The following LVRN variants were observed in gnomAD, a reference collection of about 807,000 sequenced individuals.
LVRN encodes laeverin.
LVRN carries 99 observed loss-of-function variants against 111.4 expected under a neutral mutation model. That is an observed-to-expected ratio of 0.89 (90% CI 0.76 to 1.05). The LOEUF is 1.05. Among genes scored for constraint, LVRN ranks in the 50% least tolerant of loss-of-function variants. The pLI is 0.00. For synonymous variants in LVRN, 488 were observed against 449.5 expected, an observed-to-expected ratio of 1.09 and a Z score of -1.08; for missense variants, 1,414 against 1,206.8, an observed-to-expected ratio of 1.17 and a Z score of -2.54.
chr5:116,007,354 C>T (rs1363243642), intron 13 of LVRN, among the ~76,000 whole-genome samples: 6 of 152,190 alleles, frequency 3.9e-5, no homozygotes, highest in Admixed American at 3.3e-4. Context: ...AGGAAATCCC[C>T]TGCCTCAGTT....
At position 115,984,643 on chromosome 5, in the gene LVRN, AACTT is replaced by A; in HGVS notation, c.918_921del (p.Tyr306Ter). The A allele has an allele frequency of 1.2e-6, 2 of 1,613,728 alleles. No homozygotes were observed. The highest frequency in any genetic ancestry group is 2.2e-5 in the South Asian group (2 of 91,068). ...CCTTTTCCACTACGCCCCACATGCC[AACTT>A]ACTTAGTCGCATTTGTTATATGTGA... is the stretch of plus-strand genomic sequence containing the variant. On this transcript the variant is annotated frameshift_variant, in exon 3 of 20. Coordinates refer to ENST00000357872, the MANE Select transcript of LVRN (RefSeq NM_173800.5). LOFTEE classifies it high-confidence loss of function.
chr5:116,008,364 A>G (rs1442319680), intron 13 of LVRN, among the ~76,000 whole-genome samples: 1 of 152,052 alleles, frequency 6.6e-6, no homozygotes, highest in Non-Finnish European at 1.5e-5. Flanking sequence ...AATAATAAAT[A>G]AATAAAATTA....
At chr5:115,980,411 A>G (rs910345370) in intron 1 of LVRN, among the ~76,000 whole-genome samples, 3 of 152,072 alleles carry the variant, frequency 2.0e-5, no homozygotes, top group African/African-American at 7.2e-5. Context: ...GTTTGTTTGC[A>G]TAAAACTAGG....
At chr5:115,979,444 CT>C (rs1428044371) in intron 1 of LVRN, among the ~76,000 whole-genome samples, 10 of 152,092 alleles carry the variant, frequency 6.6e-5, no homozygotes, top group Non-Finnish European at 1.5e-4. Context: ...ATGCTTCCCC[CT>C]CCCCTCCATC....
At chr5:116,001,043 C>T (rs780568011) in intron 9 of LVRN, 24 bp from the exon 10 acceptor site, 4 of 1,573,276 alleles carry the variant, frequency 2.5e-6, no homozygotes, top group Admixed American at 4.2e-5. Flanking sequence ...CCTTACCTGC[C>T]TTTGTGGTGA....
intron 10 of LVRN, 139 bp downstream of exon 10, chr5:116,001,378 G>A (rs1049579665): frequency 1.6e-5 from 16 of 1,017,130 alleles, no homozygotes; most frequent in Non-Finnish European, 2.0e-5. Context: ...CTAGGGTGAA[G>A]CAGAGCCCTT....
At chr5:115,966,770 A>G (rs925831659) in intron 1 of LVRN, among the ~76,000 whole-genome samples, 4 of 152,236 alleles carry the variant, frequency 2.6e-5, no homozygotes, top group Non-Finnish European at 4.4e-5. Flanking sequence ...CCTACCAGCA[A>G]TATATGAGTG....
At chr5:115,976,321 C>A (rs1027044390) in intron 1 of LVRN, 1 of 152,220 alleles carries the variant, frequency 6.6e-6, no homozygotes, top group South Asian at 2.1e-4. Context: ...ACCAGCTCTG[C>A]GCTACCTGAC....
At position 115,993,814 on chromosome 5, in the gene LVRN, A is replaced by G; in HGVS notation, c.1334A>G (p.Glu445Gly). The G allele has an allele frequency of 6.2e-7, 1 of 1,609,442 alleles. No homozygotes were observed. Among genetic ancestry groups the G allele is most frequent in the Non-Finnish European group, 8.5e-7 (1 of 1,178,140 alleles). The part of the protein sequence containing the change: ...WLNEGFASYF[E>G]FEVINYFNPK... ...AACGAGGGTTTTGCATCTTATTTTGAGTTTGAAGTAATTAACTACTTTAAT... is the reference window on the plus strand; with the variant it reads ...AACGAGGGTTTTGCATCTTATTTTGGGTTTGAAGTAATTAACTACTTTAAT... Residue 445 changes from glutamate to glycine, a missense_variant, in exon 6 of 20, where the codon GAG becomes GGG. By Grantham distance (98) the Glu-to-Gly change is moderately conservative (BLOSUM62 -2). Coordinates refer to ENST00000357872, the MANE Select transcript of LVRN (RefSeq NM_173800.5).
At chr5:115,985,705 A>G (rs1287865421) in intron 3 of LVRN, among the ~76,000 whole-genome samples, 5 of 152,312 alleles carry the variant, frequency 3.3e-5, no homozygotes, top group Non-Finnish European at 4.4e-5. Context: ...TGAGTTGTGT[A>G]AAGTCAGCAC....
intron 6 of LVRN, among the ~76,000 whole-genome samples, 187 bp downstream of exon 6, chr5:115,994,041 T>C (rs1418192261): frequency 1.4e-5 from 2 of 143,488 alleles, no homozygotes; most frequent in South Asian, 4.6e-4. Context: ...CTATTGTAAA[T>C]GTTTTTGAAG....
intron 13 of LVRN, among the ~76,000 whole-genome samples, chr5:116,007,258 A>G (rs530821482): frequency 1.6e-4 from 25 of 152,262 alleles, no homozygotes; most frequent in African/African-American, 4.8e-4. Flanking sequence ...CTTTCCACCT[A>G]ATCTAAACTC....
intron 3 of LVRN, among the ~76,000 whole-genome samples, chr5:115,987,251 C>G (rs1240261498): frequency 2.6e-5 from 4 of 152,070 alleles, no homozygotes; most frequent in Non-Finnish European, 5.9e-5. Context: ...AATTCACTTG[C>G]TTTGACAGTT....
chr5:115,992,103 C>T lies in LVRN; in HGVS notation c.1106-20C>T. On this transcript the variant is annotated intron_variant, in intron 4 of 19. Transcript: ENST00000357872. ...TTGGAAAAGATTATTTTATTTTCTC[C>T]TCCATTTAAATCCACTTAGATATAA... The T allele has an allele frequency of 3.9e-6, 6 of 1,556,866 alleles. No individual in the cohort carries two copies. The highest frequency in any genetic ancestry group is 3.7e-5 in the South Asian group (3 of 80,742).
At chr5:115,990,267 A>G (rs963219581) in intron 4 of LVRN, among the ~76,000 whole-genome samples, 23 of 152,194 alleles carry the variant, frequency 1.5e-4, no homozygotes, top group African/African-American at 5.5e-4. Flanking sequence ...TGTAGGCTAT[A>G]TGCCAGATTT....
At chr5:115,998,506 C>T (rs1022885092) in intron 6 of LVRN, among the ~76,000 whole-genome samples, 2 of 152,030 alleles carry the variant, frequency 1.3e-5, no homozygotes, top group African/African-American at 2.4e-5. Context: ...CCTTAGGGTG[C>T]GATATTATGG....
At chr5:115,963,804 G>T (rs1323266346) in intron 1 of LVRN, among the ~76,000 whole-genome samples, 1 of 152,078 alleles carries the variant, frequency 6.6e-6, no homozygotes, top group African/African-American at 2.4e-5. Context: ...CCTTCCTCTG[G>T]CCAGTTTTCA....
chr5:116,025,664 C>T (rs983936458), intron 19 of LVRN, among the ~76,000 whole-genome samples: 1 of 152,126 alleles, frequency 6.6e-6, no homozygotes, highest in Non-Finnish European at 1.5e-5. Flanking sequence ...TCTCTGTCTG[C>T]AAATCTTAGA....
chr5:115,993,624 G>A lies in LVRN; in HGVS notation c.1261-117G>A, dbSNP rs926699986. The A allele has an allele frequency of 1.1e-5, 7 of 660,592 alleles. No homozygotes were observed. The African/African-American group carries it at 1.1e-4, about 11-fold the overall frequency. 40.9% of individuals were successfully genotyped at this position (660,592 alleles called of 1,614,324 possible). A position where few individuals can be genotyped will look rare whatever the true frequency, so the allele number is the denominator to read the frequency against. ...CCTGTCTTCAAGTTTTGTTATTGATGGCAAATAAATTTTAATTATGTCTTT... is the reference window on the plus strand; with the variant it reads ...CCTGTCTTCAAGTTTTGTTATTGATAGCAAATAAATTTTAATTATGTCTTT... On this transcript the variant is annotated intron_variant, in intron 5 of 19. Transcript: ENST00000357872.
Sources: gnomAD v4.1 joint callset for allele counts (sites outside exome capture counted in the v4.1 genomes callset) on GRCh38, gnomAD v4.1.1 for gene constraint, MANE v1.5 for transcripts, NCBI Gene and HGNC (gene_info 2026-07-23, HGNC 2026-07-21) for gene names.